ANO3: variants seen among roughly 807,000 people sequenced by gnomAD.
ANO3 encodes the protein anoctamin-3.
In ANO3, 99 loss-of-function variants were observed where a neutral mutation model predicts 144.8. The ratio of observed to expected loss-of-function variants is 0.68; its 90% CI spans 0.58 to 0.81. The LOEUF is 0.81. ANO3 is among the 30% of genes least tolerant of loss of function. The pLI, the probability that ANO3 is intolerant of heterozygous loss-of-function variation, is 0.00. For missense variants in ANO3, 905 were observed against 1,202.2 expected (o/e 0.75, Z 3.66); for synonymous variants, 414 against 392.6 (o/e 1.05, Z -0.64).
At chr11:26,612,588 G>T (rs1852130882) in intron 17 of ANO3, among the ~76,000 whole-genome samples, 1 of 150,376 alleles carries the variant, frequency 6.6e-6, no homozygotes, top group South Asian at 2.1e-4. Context: ...TTGTCTACTG[G>T]TAAGTTTTAT....
intron 1 of ANO3, among the ~76,000 whole-genome samples, chr11:26,358,556 A>T (rs1392234804): frequency 6.6e-6 from 1 of 151,370 alleles, no homozygotes; most frequent in Non-Finnish European, 1.5e-5. Context: ...GACCATCATA[A>T]TTTTTTTTTA....
rs12278006 is a variant in ANO3 at position 26,241,762 on chromosome 11, C to T, written c.154+52432C>T. ...GTAGTGCTATAAAATCTCCATTTTA[C>T]AGACAAGGCAATTGAGGCACAGAGA... On this transcript the variant is annotated intron_variant, in intron 1 of 27. Coordinates refer to the ANO3 transcript ENST00000672621. Among the ~76,000 whole-genome samples the T allele has an allele frequency of 9.9e-3, 1,507 of 152,242 alleles. 20 individuals are homozygous for T. The highest frequency in any genetic ancestry group is 0.034 in the African/African-American group (1,422 of 41,534).
At chr11:26,402,123 T>C (rs911391296) in intron 1 of ANO3, among the ~76,000 whole-genome samples, 17 of 152,076 alleles carry the variant, frequency 1.1e-4, no homozygotes, top group Admixed American at 3.3e-4. Context: ...CGTATGTCTT[T>C]ATATTAGAAA....
intron 14 of ANO3, among the ~76,000 whole-genome samples, chr11:26,592,812 T>C (rs1851491419): frequency 6.6e-6 from 1 of 151,962 alleles, no homozygotes. Flanking sequence ...TTCCGTTGGT[T>C]AGCTGCAGGC....
Position 26,538,783 on chromosome 11 carries a change from G to A in ANO3, c.1032+1322G>A, listed in dbSNP as rs139172488. On this transcript the variant is annotated intron_variant, in intron 10 of 26. Coordinates refer to ENST00000256737, the MANE Select transcript of ANO3 (RefSeq NM_031418.4). ...AATATATGCAATAAATACATGAAAAGAACACAAAACAATGTTGTTGAAATA... is the reference window on the plus strand; with the variant it reads ...AATATATGCAATAAATACATGAAAAAAACACAAAACAATGTTGTTGAAATA... Among the ~76,000 whole-genome samples, 112 of 152,152 alleles carry A rather than the reference G, an allele frequency of 7.4e-4. 2 individuals carry two copies. In the East Asian group the frequency reaches 0.019, roughly 25 times the overall value.
At chr11:26,452,190 AG>A (rs1463090001) in intron 3 of ANO3, among the ~76,000 whole-genome samples, 1 of 152,250 alleles carries the variant, frequency 6.6e-6, no homozygotes, top group Non-Finnish European at 1.5e-5. Context: ...CCTGCTCCAA[AG>A]GAATGCAGTT....
intron 1 of ANO3, among the ~76,000 whole-genome samples, chr11:26,322,457 T>A (rs1411781083): frequency 6.6e-6 from 1 of 152,142 alleles, no homozygotes; most frequent in Non-Finnish European, 1.5e-5. Context: ...TATTGGTTAG[T>A]CCATTACATG....
Position 26,487,394 on chromosome 11 carries a change from T to G in ANO3, c.433-20710T>G, listed in dbSNP as rs185155327. Among the ~76,000 whole-genome samples the G allele has an allele frequency of 1.1e-3, 171 of 152,318 alleles. 3 individuals are homozygous for G. In the South Asian group the frequency reaches 0.019, roughly 17 times the overall value. On this transcript the variant is annotated intron_variant, in intron 4 of 26. Transcript: ENST00000256737. ...AGGCATGTGGAACTGTAAGTCCAAT[T>G]AAACCTCTTTTTGTTCCCAGTTTGT...
At chr11:26,429,751 C>G (rs7107402) in intron 1 of ANO3, among the ~76,000 whole-genome samples, 97,189 of 151,976 alleles carry the variant, frequency 0.64, 33,061 homozygotes, top group Admixed American at 0.79. Flanking sequence ...GACAAAGAAG[C>G]CACCTGATTC....
At chr11:26,628,553 T>C (rs1165983993) in intron 18 of ANO3, among the ~76,000 whole-genome samples, 2 of 152,214 alleles carry the variant, frequency 1.3e-5, no homozygotes, top group Non-Finnish European at 2.9e-5. Context: ...ATGTGCTATA[T>C]TTGTGAATGG....
At chr11:26,551,302 G>C (rs1385517289) in intron 12 of ANO3, among the ~76,000 whole-genome samples, 1 of 151,912 alleles carries the variant, frequency 6.6e-6, no homozygotes, top group Non-Finnish European at 1.5e-5. Flanking sequence ...CAAAACAAAA[G>C]AAAACCACAA....
chr11:26,201,600 A>G (rs571709443), intron 1 of ANO3, among the ~76,000 whole-genome samples: 1 of 152,164 alleles, frequency 6.6e-6, no homozygotes, highest in East Asian at 1.9e-4. Context: ...AGTGACTCAT[A>G]CTACTTAACT....
At chr11:26,469,030 A>G (rs1859689943) in intron 4 of ANO3, among the ~76,000 whole-genome samples, 1 of 151,914 alleles carries the variant, frequency 6.6e-6, no homozygotes. Flanking sequence ...CTTACCTAAC[A>G]TTAAGAAGTC....
At chr11:26,338,566 C>T (rs780668344) in intron 1 of ANO3, among the ~76,000 whole-genome samples, 42 of 152,154 alleles carry the variant, frequency 2.8e-4, no homozygotes, top group Non-Finnish European at 4.8e-4. Flanking sequence ...GGTGTGGAAG[C>T]TTTGTTCTTT....
chr11:26,425,375 C>A (rs1369736647), intron 1 of ANO3, among the ~76,000 whole-genome samples: 1 of 152,042 alleles, frequency 6.6e-6, no homozygotes, highest in Non-Finnish European at 1.5e-5. Flanking sequence ...AAAGGGCTTG[C>A]ACTTCGGTAT....
At chr11:26,210,991 C>T (rs34767513) in intron 1 of ANO3, among the ~76,000 whole-genome samples, 45,938 of 151,774 alleles carry the variant, frequency 0.3, 7,699 homozygotes, top group Non-Finnish European at 0.37. Flanking sequence ...TGAACTCAGC[C>T]CTGGACCAAG....
intron 1 of ANO3, among the ~76,000 whole-genome samples, chr11:26,437,852 A>G (rs868633515): frequency 5.8e-3 from 2 of 344 alleles, no homozygotes; most frequent in African/African-American, 7.3e-3. Context: ...AATCCTAATA[A>G]AAATATTGGG....
intron 1 of ANO3, among the ~76,000 whole-genome samples, chr11:26,296,130 A>T (rs557731501): frequency 1.1e-4 from 16 of 152,350 alleles, no homozygotes; most frequent in Admixed American, 9.1e-4. Context: ...GGCAGTGGAC[A>T]GTAAGGTTGC....
At chr11:26,321,526 A>AT (rs1227406498) in intron 1 of ANO3, among the ~76,000 whole-genome samples, 6 of 151,862 alleles carry the variant, frequency 4.0e-5, no homozygotes, top group Non-Finnish European at 2.9e-5. Context: ...TTTTGACTAG[A>AT]TTTTTTTCTA....
Sources: allele counts gnomAD v4.1 joint callset (sites outside exome capture counted in the v4.1 genomes callset), GRCh38; gene constraint gnomAD v4.1.1; transcripts MANE v1.5; gene names NCBI Gene and HGNC (gene_info 2026-07-23, HGNC 2026-07-21).